The following CCDC57 variants were observed in gnomAD, a reference collection of about 807,000 sequenced individuals.
CCDC57 encodes the protein coiled-coil domain-containing protein 57.
In CCDC57, 118 loss-of-function variants were observed where a neutral mutation model predicts 118.9. The ratio of observed to expected loss-of-function variants is 0.99; its 90% CI spans 0.86 to 1.16. The LOEUF (loss-of-function observed/expected upper bound fraction) is 1.16. Ranked by LOEUF, CCDC57 falls within the 50% of genes most tolerant of loss-of-function variation. The pLI is 0.00. For missense variants in CCDC57, 1,300 were observed against 1,320.7 expected, an observed-to-expected ratio of 0.98 and a Z score of 0.24; for synonymous variants, 527 against 532.9, an observed-to-expected ratio of 0.99 and a Z score of 0.15.
At chr17:82,146,105 C>T (rs1223266891) in intron 16 of CCDC57, among the ~76,000 whole-genome samples, 1 of 152,178 alleles carries the variant, frequency 6.6e-6, no homozygotes, top group African/African-American at 2.4e-5. Context: ...CCTGGGCCAC[C>T]GGTGCTGGGG....
intron 15 of CCDC57, chr17:82,157,352 G>T: frequency 1.2e-6 from 1 of 827,840 alleles, no homozygotes; most frequent in Non-Finnish European, 1.5e-6. Context: ...AGGGCCCAAC[G>T]CTAGGCATGG....
intron 19 of CCDC57, chr17:82,111,980 G>C (rs557265682): frequency 6.7e-6 from 1 of 148,830 alleles, no homozygotes; most frequent in African/African-American, 2.5e-5. Flanking sequence ...CTTTTGTTTT[G>C]TTTTGTTTTT....
chr17:82,127,887 C>T (rs1321393781), exon 19 of CCDC57: 24 of 1,612,216 alleles, frequency 1.5e-5, no homozygotes, highest in Non-Finnish European at 2.0e-5. Context: ...TTACAGGTCA[C>T]CGTGTGGATG....
chr17:82,115,420 C>G, intron 19 of CCDC57, among the ~76,000 whole-genome samples: 1 of 152,208 alleles, frequency 6.6e-6, no homozygotes, highest in South Asian at 2.1e-4. Flanking sequence ...ATTCTACAAA[C>G]AGTTTAAAAA....
intron 16 of CCDC57, among the ~76,000 whole-genome samples, chr17:82,147,665 G>T (rs1386482694): frequency 7.8e-6 from 1 of 128,960 alleles, no homozygotes; most frequent in African/African-American, 3.0e-5. Context: ...ACATGGAAGG[G>T]TGGGTGGGTG....
At chr17:82,107,130 G>A (rs1039428180) in intron 19 of CCDC57, among the ~76,000 whole-genome samples, 3 of 152,346 alleles carry the variant, frequency 2.0e-5, no homozygotes, top group East Asian at 3.9e-4. Flanking sequence ...TCAGCTGCCC[G>A]ACCTGCTCAG....
chr17:82,151,019 A>C (rs76359206), intron 16 of CCDC57, among the ~76,000 whole-genome samples: 10 of 42,272 alleles, frequency 2.4e-4, no homozygotes, highest in Non-Finnish European at 3.8e-4. Flanking sequence ...AGAACCTGGC[A>C]CACACCCAGA....
chr17:82,178,465 T>C lies in CCDC57; in HGVS notation c.1506+9A>G. 1 of 1,592,856 alleles carries C rather than the reference T, an allele frequency of 6.3e-7. No individual in the cohort carries two copies. The stretch of plus-strand genomic sequence containing the variant: ...GCAAAGTTTCAAAGAGCCGACTGGG[T>C]ACTCTCACCTGTGCCCCTGGTCTGG... On this transcript the variant is annotated intron_variant, in intron 11 of 19. Transcript: ENST00000665763.
In CCDC57 at chr17:82,172,658, C is replaced by T; in HGVS notation, c.1709G>A (p.Gly570Glu). The change falls in exon 12 of 20, where the codon GGG becomes GAG. Residue 570 changes from glycine to glutamate, a missense_variant. By Grantham distance (98) the Gly-to-Glu change is moderately conservative (BLOSUM62 -2). Coordinates refer to ENST00000665763, the Ensembl canonical transcript of CCDC57. This position sits in a 1 kb window ranked among gnomAD's most constrained non-coding sequence, Gnocchi z 5.2. ...CTCACCAGGAGTGGCGGCATCTCCC[C>T]CAGCCTCTGGGTCAGGCTGGTTTGC... 1 of 1,551,572 alleles carries T rather than the reference C, an allele frequency of 6.4e-7. No homozygotes were observed. Among genetic ancestry groups the T allele is most frequent in the Non-Finnish European group, 8.7e-7 (1 of 1,147,688 alleles).
At chr17:82,158,143 C>A (rs1182868994) in intron 14 of CCDC57, among the ~76,000 whole-genome samples, 195 bp from the exon 14 acceptor site, 1 of 152,226 alleles carries the variant, frequency 6.6e-6, no homozygotes, top group Admixed American at 6.5e-5. Context: ...CTGCCCCGCC[C>A]AGCTGGCCCT....
intron 13 of CCDC57, among the ~76,000 whole-genome samples, chr17:82,164,274 G>A (rs990399774): frequency 3.3e-5 from 5 of 151,976 alleles, no homozygotes; most frequent in Non-Finnish European, 7.4e-5. Flanking sequence ...TCAACTACTC[G>A]GGAGGCTGAG....
chr17:82,199,879 C>A (rs1049114510), intron 3 of CCDC57, among the ~76,000 whole-genome samples: 2 of 152,154 alleles, frequency 1.3e-5, no homozygotes, highest in African/African-American at 4.8e-5. Flanking sequence ...AGCAGCACTG[C>A]GTGGGTCAAA....
intron 16 of CCDC57, among the ~76,000 whole-genome samples, chr17:82,141,233 G>C (rs1003465749): frequency 6.7e-6 from 1 of 148,796 alleles, no homozygotes; most frequent in African/African-American, 2.5e-5. Flanking sequence ...TGCCAGGCTG[G>C]AGTGCAATGG....
At chr17:82,103,736 T>C (rs2034636136) in intron 19 of CCDC57, among the ~76,000 whole-genome samples, 1 of 152,070 alleles carries the variant, frequency 6.6e-6, no homozygotes, top group South Asian at 2.1e-4. Context: ...CCTGCCCCTT[T>C]GCCTGGGAGG....
rs1424616191 is a variant in CCDC57 at position 82,192,169 on chromosome 17, G to C, written c.851+1587C>G. The stretch of plus-strand genomic sequence containing the variant: ...CCCGGCTAATTTTGTATTTTTCGTA[G>C]AGACGGGGTTTCACCATGTTGGTCA... On this transcript the variant is annotated intron_variant, in intron 7 of 19. Coordinates refer to ENST00000665763, the Ensembl canonical transcript of CCDC57. This position sits in a 1 kb window ranked among gnomAD's most constrained non-coding sequence, Gnocchi z 4.0. Among the ~76,000 whole-genome samples the C allele has an allele frequency of 6.6e-6, 1 of 152,042 alleles. No homozygotes were observed. The highest frequency in any genetic ancestry group is 1.5e-5 in the Non-Finnish European group (1 of 67,992).
exon 16 of CCDC57, chr17:82,151,731 C>T: frequency 4.5e-6 from 7 of 1,550,326 alleles, no homozygotes; most frequent in African/African-American, 1.4e-5. Flanking sequence ...AGGAAAAGCT[C>T]CCCCTGGTCC....
At position 82,167,444 on chromosome 17, in the gene CCDC57, G is replaced by A. The variant is rs549556286; in HGVS notation, c.1883-4087C>T. 9.5e-4 allele frequency among the ~76,000 whole-genome samples: 144 copies of A among 151,750 alleles called. 1 individual carries two copies. The highest frequency in any genetic ancestry group is 3.4e-3 in the Middle Eastern group (1 of 294). ...CGGCTCACTGCAACCTCCACCTCCC[G>A]GGTTCAAGCGATTCTCCTGCCTCAG... On this transcript the variant is annotated intron_variant, in intron 13 of 19. Transcript: ENST00000665763.
At chr17:82,120,917 G>C (rs542275495) in intron 19 of CCDC57, among the ~76,000 whole-genome samples, 1 of 152,046 alleles carries the variant, frequency 6.6e-6, no homozygotes, top group Non-Finnish European at 1.5e-5. Flanking sequence ...CACCACGCCC[G>C]GCTAATTTTT....
chr17:82,151,935 C>T lies in CCDC57; in HGVS notation c.2242-162G>A, dbSNP rs1471518145. On this transcript the variant is annotated intron_variant, in intron 15 of 19. Transcript: ENST00000665763. ...AAAAGAAAGACAAAAAGAGTCGCTG[C>T]TCCCAGTGCTTCAGTGGGTTCCTTC... The T allele has an allele frequency of 3.7e-5, 23 of 615,838 alleles. No homozygotes were observed. The Admixed American group carries it at 6.5e-4, about 17-fold the overall frequency. 38.1% of individuals were successfully genotyped at this position (615,838 alleles called of 1,614,324 possible).
Sources: gnomAD v4.1 joint callset for allele counts (sites outside exome capture counted in the v4.1 genomes callset) on GRCh38, gnomAD v4.1.1 for gene constraint, Gnocchi (gnomAD v3.1) non-coding constraint, MANE v1.5 for transcripts, NCBI Gene and HGNC (gene_info 2026-07-23, HGNC 2026-07-21) for gene names.